Variants in NKD2 observed in about 807,000 individuals in gnomAD.
The protein encoded by NKD2 is NKD inhibitor of Wnt signaling pathway 2.
Under a neutral mutation model 34.8 loss-of-function variants are expected in NKD2, and 43 were observed. That is an observed-to-expected ratio of 1.24 (90% CI 0.97 to 1.60). The LOEUF is 1.60. Among genes scored for constraint, NKD2 ranks in the 40% most tolerant of loss-of-function variants. The probability of loss-of-function intolerance (pLI) is 0.00; values close to 1 mark genes in which losing one functional copy is unlikely to be tolerated. For missense variants in NKD2, 675 were observed against 627.1 expected (o/e 1.08, Z -0.82); for synonymous variants, 278 against 265.1 (o/e 1.05, Z -0.47).
At chr5:1,010,602 T>C (rs1180300896) in intron 3 of NKD2, among the ~76,000 whole-genome samples, 2 of 152,178 alleles carry the variant, frequency 1.3e-5, no homozygotes, top group African/African-American at 4.8e-5. Context: ...GGAAGCACGC[T>C]GTAAGGTACA....
intron 3 of NKD2, among the ~76,000 whole-genome samples, chr5:1,022,204 C>A (rs1051315001): frequency 3.0e-4 from 46 of 152,030 alleles, no homozygotes; most frequent in Middle Eastern, 3.4e-3. Flanking sequence ...CCCTGCTCTT[C>A]CCACCCGCTG....
rs1734137659 is a variant in NKD2, at chr5:1,038,472, G to GCCCCCCCCCCCCCCCCCCC, written c.*104_*105insCCCCCCCCCCCCCCCCCCC. ...CGGCTGTGTGCCCATGGGGAGCCCAGCCCCCACCCCCCACCTCCGACAGCA... is the reference window on the plus strand; with the variant it reads ...CGGCTGTGTGCCCATGGGGAGCCCAGCCCCCCCCCCCCCCCCCCCCCCCCACCCCCCACCTCCGACAGCA... On this transcript the variant is annotated 3_prime_UTR_variant, in exon 10 of 10. Transcript: ENST00000296849. This position sits in a 1 kb window ranked among gnomAD's most constrained non-coding sequence, Gnocchi z 4.5. The GCCCCCCCCCCCCCCCCCCC allele has an allele frequency of 6.5e-7, 1 of 1,531,502 alleles. No individual in the cohort carries two copies. The highest frequency in any genetic ancestry group is 1.4e-5 in the African/African-American group (1 of 71,660). The allele number at this position is 1,531,502 out of a possible 1,614,324, so 94.9% of individuals were successfully genotyped here. A position where few individuals can be genotyped will look rare whatever the true frequency, so the allele number is the denominator to read the frequency against.
Position 1,038,104 on chromosome 5 carries a change from C to T in NKD2, c.1087C>T (p.Pro363Ser). 1 of 1,602,042 alleles carries T rather than the reference C, an allele frequency of 6.2e-7. No homozygotes were observed. The highest frequency in any genetic ancestry group is 8.5e-7 in the Non-Finnish European group (1 of 1,176,266). The change falls in exon 10 of 10, where the codon CCC becomes TCC. Residue 363 changes from proline to serine, a missense_variant. Coordinates refer to ENST00000296849, the MANE Select transcript of NKD2 (RefSeq NM_033120.4). This position sits in a 1 kb window ranked among gnomAD's most constrained non-coding sequence, Gnocchi z 4.5. ...CTACTACCTGCCGGCCGTCCTGCCG[C>T]CCCAGGCCCCTCAGGACGGCCACCA... ...FSYYLPAVLPPQAPQDGHHLP... is the reference protein window; with the variant it reads ...FSYYLPAVLPSQAPQDGHHLP...
chr5:1,030,114 G>T (rs1756588032), intron 3 of NKD2, among the ~76,000 whole-genome samples: 1 of 151,522 alleles, frequency 6.6e-6, no homozygotes, highest in African/African-American at 2.4e-5. Context: ...AGCTCCCAAG[G>T]GTAGACAGGG....
At position 1,009,566 on chromosome 5, in the gene NKD2, C is replaced by CGGCGG; in HGVS notation, c.141+12_141+16dup. On this transcript the variant is annotated splice_region_variant and intron_variant, in intron 3 of 9. Coordinates refer to ENST00000296849, the MANE Select transcript of NKD2 (RefSeq NM_033120.4). The surrounding 1 kb of genome is among the most constrained non-coding windows in gnomAD (Gnocchi z 6.9). ...GGCGCGCGCGGGACAAGCAGGTAGG[C>CGGCGG]GGCGGGGCGGAGGCTGGGGTCGCGC... The CGGCGG allele has an allele frequency of 6.8e-7, 1 of 1,474,148 alleles. No homozygotes were observed. The allele number at this position is 1,474,148 out of a possible 1,614,324, so 91.3% of individuals were successfully genotyped here.
intron 5 of NKD2, 182 bp from the exon 6 acceptor site, chr5:1,034,053 T>A: frequency 1.7e-6 from 1 of 599,794 alleles, no homozygotes; most frequent in Non-Finnish European, 3.0e-6. Flanking sequence ...GGGCTGGAGC[T>A]GGGCAAGAAG....
intron 3 of NKD2, among the ~76,000 whole-genome samples, chr5:1,028,071 G>A (rs756800626): frequency 1.3e-5 from 2 of 152,110 alleles, no homozygotes; most frequent in Non-Finnish European, 2.9e-5. Flanking sequence ...TTTTGTGAGC[G>A]TCTCTCCGTG....
Position 1,032,222 on chromosome 5 carries a change from G to C in NKD2, c.202+10G>C, listed in dbSNP as rs753115960. 2 of 1,603,310 alleles carry C rather than the reference G, an allele frequency of 1.2e-6. No individual in the cohort carries two copies. The highest frequency in any genetic ancestry group is 2.2e-5 in the East Asian group (1 of 44,544). ...CAGTGTCCCCTACAGGGTGAGTGCAGCTCCCGCAGCCCTCCCTCCCCAAAC... is the reference window on the plus strand; with the variant it reads ...CAGTGTCCCCTACAGGGTGAGTGCACCTCCCGCAGCCCTCCCTCCCCAAAC... On this transcript the variant is annotated intron_variant, in intron 4 of 9. Coordinates refer to ENST00000296849, the MANE Select transcript of NKD2 (RefSeq NM_033120.4).
Position 1,009,546 on chromosome 5 carries a change from G to T in NKD2, c.127G>T (p.Ala43Ser), listed in dbSNP as rs747818180. The change falls in exon 3 of 10, where the codon GCG becomes TCG. Residue 43 changes from alanine (A) to serine (S), a missense_variant. Ala to Ser is a moderately conservative substitution (Grantham distance 99, BLOSUM62 1). Coordinates refer to ENST00000296849, the MANE Select transcript of NKD2 (RefSeq NM_033120.4). This position sits in a 1 kb window ranked among gnomAD's most constrained non-coding sequence, Gnocchi z 6.9. ...RKGAEEAERR[A>S]RDKQELPNGD... ...AGGCGCGGAGGAAGCGGAGCGGCGC[G>T]CGCGGGACAAGCAGGTAGGCGGCGG... 1.3e-6 allele frequency: 2 copies of T among 1,491,356 alleles called. No individual in the cohort carries two copies. The highest frequency in any genetic ancestry group is 1.3e-5 in the South Asian group (1 of 79,348). The allele number at this position is 1,491,356 out of a possible 1,614,324, so 92.4% of individuals were successfully genotyped here. A position where few individuals can be genotyped will look rare whatever the true frequency, so the allele number is the denominator to read the frequency against.
intron 5 of NKD2, among the ~76,000 whole-genome samples, chr5:1,033,819 G>A (rs371942853): frequency 8.5e-5 from 13 of 152,338 alleles, no homozygotes; most frequent in African/African-American, 3.1e-4. Context: ...CGGACAGCCC[G>A]ACTCTCTGCC....
In NKD2 at chr5:1,032,229, C is replaced by T. The variant is rs1311693033; in HGVS notation, c.202+17C>T. ...CCCTACAGGGTGAGTGCAGCTCCCG[C>T]AGCCCTCCCTCCCCAAACTCACAGA... On this transcript the variant is annotated intron_variant, in intron 4 of 9. Transcript: ENST00000296849. The T allele has an allele frequency of 1.9e-6, 3 of 1,597,934 alleles. No individual in the cohort carries two copies. Among genetic ancestry groups the T allele is most frequent in the Non-Finnish European group, 2.6e-6 (3 of 1,168,320 alleles).
intron 9 of NKD2, chr5:1,036,942 A>AGGCGGGCAGTGGAC (rs1554005400): frequency 1.1e-5 from 4 of 348,774 alleles, no homozygotes; most frequent in African/African-American, 2.7e-5. Flanking sequence ...TGTGGATGGC[A>AGGCGGGCAGTGGAC]GGCGGGCAGT....
In NKD2 at chr5:1,037,983, G is replaced by C; in HGVS notation, c.966G>C (p.Arg322=). The part of the protein sequence containing the change: ...PAARALDTQP[R]PKGPEKQFLK... ...CCCGGGCCCTGGACACGCAGCCCCG[G>C]CCGAAGGGGCCGGAGAAGCAGTTCC... Residue 322 remains arginine, a synonymous_variant, in exon 10 of 10, where the codon CGG becomes CGC. Coordinates refer to ENST00000296849, the MANE Select transcript of NKD2 (RefSeq NM_033120.4). The C allele has an allele frequency of 1.2e-6, 2 of 1,605,166 alleles. No homozygotes were observed. The highest frequency in any genetic ancestry group is 1.7e-6 in the Non-Finnish European group (2 of 1,177,562).
intron 3 of NKD2, among the ~76,000 whole-genome samples, chr5:1,021,749 G>C (rs1484401523): frequency 6.6e-6 from 1 of 152,062 alleles, no homozygotes; most frequent in Non-Finnish European, 1.5e-5. Context: ...CTCCTTGTAA[G>C]AAAACACTCT....
At position 1,009,057 on chromosome 5, in the gene NKD2, G is replaced by T. The variant is rs1414826148; in HGVS notation, c.-1G>T. On this transcript the variant is annotated 5_prime_UTR_variant, in exon 1 of 10. Coordinates refer to ENST00000296849, the MANE Select transcript of NKD2 (RefSeq NM_033120.4). The surrounding 1 kb of genome is among the most constrained non-coding windows in gnomAD (Gnocchi z 6.9). ...GGGCCCGGCGGGGCGTGGCGGCGGC[G>T]ATGGGGAAACTGCAGTCGAAGCACG... is the stretch of plus-strand genomic sequence containing the variant. 2.8e-5 allele frequency: 12 copies of T among 426,478 alleles called. No homozygotes were observed. The highest frequency in any genetic ancestry group is 4.1e-5 in the Non-Finnish European group (10 of 242,284). The allele number at this position is 426,478 out of a possible 1,614,324, so 26.4% of individuals were successfully genotyped here.
intron 9 of NKD2, chr5:1,037,575 G>A: frequency 1.3e-6 from 2 of 1,535,992 alleles, no homozygotes; most frequent in African/African-American, 2.7e-5. Context: ...GTGGGGACAA[G>A]GCTAGAGGAG....
intron 6 of NKD2, 86 bp from the exon 7 acceptor site, chr5:1,034,670 C>A: frequency 7.5e-7 from 1 of 1,341,180 alleles, no homozygotes; most frequent in Non-Finnish European, 1.0e-6. Context: ...TAGGAAGGGG[C>A]GGGGGCTGGA....
At position 1,037,806 on chromosome 5, in the gene NKD2, G is replaced by A. The variant is rs1362339855; in HGVS notation, c.789G>A (p.Gly263=). 8.3e-6 allele frequency: 13 copies of A among 1,570,956 alleles called. No homozygotes were observed. Among genetic ancestry groups the A allele is most frequent in the African/African-American group, 1.3e-5 (1 of 74,254 alleles). The change falls in exon 10 of 10, where the codon GGG becomes GGA. Residue 263 remains glycine (G), a splice_region_variant and synonymous_variant. Transcript: ENST00000296849. ...IENYTSRFGP[G]SPPVQAKQEP... ...TCACACTCTGACCTGTGTCCGCAGG[G>A]TCCCCTCCTGTGCAAGCAAAGCAGG...
At chr5:1,030,306 C>T (rs920581522) in intron 3 of NKD2, among the ~76,000 whole-genome samples, 2 of 152,118 alleles carry the variant, frequency 1.3e-5, no homozygotes, top group Admixed American at 1.3e-4. Flanking sequence ...TCCGCAGTGG[C>T]AGTGCCTGCA....
Sources: allele counts gnomAD v4.1 joint callset (sites outside exome capture counted in the v4.1 genomes callset), GRCh38; gene constraint gnomAD v4.1.1; non-coding constraint Gnocchi (gnomAD v3.1); transcripts MANE v1.5; gene names NCBI Gene and HGNC (gene_info 2026-07-23, HGNC 2026-07-21).